EPB41L3: variants seen among roughly 807,000 people sequenced by gnomAD.
EPB41L3 encodes band 4.1-like protein 3.
EPB41L3 carries 57 observed loss-of-function variants against 127.1 expected under a neutral mutation model. The observed-to-expected ratio is 0.45, with a 90% CI of 0.36 to 0.56. EPB41L3 has a LOEUF of 0.56. Ranked by LOEUF, EPB41L3 falls within the 20% of genes least tolerant of loss-of-function variation. EPB41L3 has a pLI of 0.00. For missense variants in EPB41L3, 1,273 were observed against 1,372.2 expected, an observed-to-expected ratio of 0.93 and a Z score of 1.14; for synonymous variants, 572 against 549.5, an observed-to-expected ratio of 1.04 and a Z score of -0.57.
At chr18:5,453,049 T>C (rs1429721666) in intron 3 of EPB41L3, among the ~76,000 whole-genome samples, 2 of 152,192 alleles carry the variant, frequency 1.3e-5, no homozygotes, top group Admixed American at 6.5e-5. Context: ...AAAATGGGCA[T>C]TGCCTCCATT....
Position 5,543,735 on chromosome 18 carries a change from T to C in EPB41L3, c.-12+178A>G, listed in dbSNP as rs1440030441. On this transcript the variant is annotated intron_variant, in intron 1 of 22. Transcript: ENST00000341928. This position sits in a 1 kb window ranked among gnomAD's most constrained non-coding sequence, Gnocchi z 5.2. ...GGGGTCCCGGCGAGCGGGAGGGCGG[T>C]TGGGGACCCCGGCCGCGCCGGGCGC... Among the ~76,000 whole-genome samples, 2 of 141,792 alleles carry C rather than the reference T, an allele frequency of 1.4e-5. No homozygotes were observed. The highest frequency in any genetic ancestry group is 2.6e-5 in the African/African-American group (1 of 38,148). 93.0% of individuals were successfully genotyped at this position (141,792 alleles called of 152,430 possible). A position where few individuals can be genotyped will look rare whatever the true frequency, so the allele number is the denominator to read the frequency against.
intron 3 of EPB41L3, among the ~76,000 whole-genome samples, chr18:5,600,821 G>C (rs930075786): frequency 6.6e-6 from 1 of 152,152 alleles, no homozygotes; most frequent in African/African-American, 2.4e-5. Context: ...AGAGTCAAGA[G>C]CTAGAAGGCC....
In EPB41L3 at chr18:5,423,658, T is replaced by G. The variant is rs2077760734; in HGVS notation, c.1164-105A>C. 2 of 996,910 alleles carry G rather than the reference T, an allele frequency of 2.0e-6. 1 individual carries two copies. 61.8% of individuals were successfully genotyped at this position (996,910 alleles called of 1,614,324 possible). A position where few individuals can be genotyped will look rare whatever the true frequency, so the allele number is the denominator to read the frequency against. ...GGTCATGTGTTTTGCATGCTAAACA[T>G]TTAACGCACAACTTGCAGTTAAATA... On this transcript the variant is annotated intron_variant, in intron 10 of 22. Coordinates refer to ENST00000341928, the MANE Select transcript of EPB41L3 (RefSeq NM_012307.5).
At chr18:5,422,880 C>T (rs1475229171) in intron 11 of EPB41L3, among the ~76,000 whole-genome samples, 1 of 152,156 alleles carries the variant, frequency 6.6e-6, no homozygotes, top group Non-Finnish European at 1.5e-5. Flanking sequence ...AACTTACAAC[C>T]CTGTGCTCTG....
At chr18:5,440,295 G>A (rs966338549) in intron 5 of EPB41L3, among the ~76,000 whole-genome samples, 6 of 152,048 alleles carry the variant, frequency 3.9e-5, no homozygotes, top group Non-Finnish European at 7.4e-5. Context: ...CATCTTTCAG[G>A]ACAGTATTTT....
intron 13 of EPB41L3, 40 bp from the exon 14 acceptor site, chr18:5,410,659 A>G: frequency 6.4e-7 from 1 of 1,570,526 alleles, no homozygotes; most frequent in South Asian, 1.1e-5. Context: ...GGAGGAAGGC[A>G]GGGACAGAAA....
At chr18:5,504,053 G>A (rs2148557270) in intron 1 of EPB41L3, among the ~76,000 whole-genome samples, 1 of 152,216 alleles carries the variant, frequency 6.6e-6, no homozygotes, top group Non-Finnish European at 1.5e-5. Context: ...CCTTTAATTG[G>A]AATAGGCTTG....
chr18:5,550,988 G>A (rs1280756653), intron 3 of EPB41L3, among the ~76,000 whole-genome samples: 1 of 152,146 alleles, frequency 6.6e-6, no homozygotes, highest in African/African-American at 2.4e-5. Flanking sequence ...AATCTGCTTA[G>A]ATTTATACAA....
chr18:5,453,927 A>AT (rs541373138), intron 3 of EPB41L3, among the ~76,000 whole-genome samples: 1 of 152,080 alleles, frequency 6.6e-6, no homozygotes. Flanking sequence ...CCCTAATTGC[A>AT]TTTTTCCTCA....
intron 3 of EPB41L3, among the ~76,000 whole-genome samples, chr18:5,464,906 C>T (rs533940344): frequency 6.6e-6 from 1 of 152,300 alleles, no homozygotes; most frequent in African/African-American, 2.4e-5. Context: ...GACTTTCCCA[C>T]ATTATTTGAG....
chr18:5,580,742 C>A (rs947510666), intron 3 of EPB41L3, among the ~76,000 whole-genome samples: 1 of 152,194 alleles, frequency 6.6e-6, no homozygotes, highest in Non-Finnish European at 1.5e-5. Context: ...TCCGGCATTG[C>A]TCAAGAGATT....
At chr18:5,613,559 G>T (rs1026354421) in intron 2 of EPB41L3, among the ~76,000 whole-genome samples, 6 of 152,202 alleles carry the variant, frequency 3.9e-5, no homozygotes, top group African/African-American at 1.4e-4. Context: ...AGGAGCCAGG[G>T]ACTGGGAAGT....
chr18:5,489,188 G>A lies in EPB41L3; in HGVS notation c.-5C>T. 1 of 1,590,464 alleles carries A rather than the reference G, an allele frequency of 6.3e-7. No homozygotes were observed. The highest frequency in any genetic ancestry group is 8.5e-7 in the Non-Finnish European group (1 of 1,173,250). ...TGATCCAGATTCGGTCGTCATGGTTGATTGTTCTGCAAGCAGAAAAAAGGG... is the reference window on the plus strand; with the variant it reads ...TGATCCAGATTCGGTCGTCATGGTTAATTGTTCTGCAAGCAGAAAAAAGGG... On this transcript the variant is annotated 5_prime_UTR_variant, in exon 2 of 23. Transcript: ENST00000341928.
intron 1 of EPB41L3, among the ~76,000 whole-genome samples, chr18:5,506,180 T>G (rs1958611627): frequency 6.6e-6 from 1 of 152,122 alleles, no homozygotes; most frequent in Non-Finnish European, 1.5e-5. Context: ...ACCTCTGCAC[T>G]CTCTGTACTG....
chr18:5,629,602 C>A (rs1010322728), upstream of EPB41L3, among the ~76,000 whole-genome samples: 1 of 152,210 alleles, frequency 6.6e-6, no homozygotes, highest in Admixed American at 6.5e-5. Context: ...AGGCCCCCCC[C>A]TCCCCCGCGT....
intron 1 of EPB41L3, among the ~76,000 whole-genome samples, chr18:5,623,856 C>T: frequency 6.6e-6 from 1 of 151,880 alleles, no homozygotes; most frequent in East Asian, 1.9e-4. Context: ...AGGGTTTCAC[C>T]ATGTTGGCCA....
intron 8 of EPB41L3, among the ~76,000 whole-genome samples, chr18:5,430,583 G>A (rs1277250067): frequency 6.8e-6 from 1 of 147,882 alleles, no homozygotes; most frequent in Non-Finnish European, 1.5e-5. Flanking sequence ...TTTTTTTTGA[G>A]GCAGGGTCTC....
At chr18:5,595,640 C>T (rs2094529425) in intron 3 of EPB41L3, among the ~76,000 whole-genome samples, 2 of 152,096 alleles carry the variant, frequency 1.3e-5, no homozygotes, top group Admixed American at 1.3e-4. Context: ...TGCATCCCAC[C>T]CCAGCAGCTC....
chr18:5,393,717 T>C (rs1294124487), intron 22 of EPB41L3: 5 of 416,970 alleles, frequency 1.2e-5, no homozygotes, highest in African/African-American at 4.1e-5. Context: ...GTCCAAAATA[T>C]ATTATTCATT....
Sources: gnomAD v4.1 joint callset for allele counts (sites outside exome capture counted in the v4.1 genomes callset) on GRCh38, gnomAD v4.1.1 for gene constraint, Gnocchi (gnomAD v3.1) non-coding constraint, MANE v1.5 for transcripts, NCBI Gene and HGNC (gene_info 2026-07-23, HGNC 2026-07-21) for gene names.